SPAG16: variants seen among roughly 807,000 people sequenced by gnomAD.
SPAG16 encodes sperm associated antigen 16.
SPAG16 carries 86 observed loss-of-function variants against 80.4 expected under a neutral mutation model. That is an observed-to-expected ratio of 1.07 (90% CI 0.90 to 1.28). The LOEUF (loss-of-function observed/expected upper bound fraction) is 1.28. Among genes scored for constraint, SPAG16 ranks in the 50% most tolerant of loss-of-function variants. SPAG16 has a pLI of 0.00. For synonymous variants in SPAG16, 294 were observed against 265.9 expected (o/e 1.11, Z -1.03); for missense variants, 870 against 765.3 (o/e 1.14, Z -1.61).
chr2:213,904,600 C>CAAAAAAAAAAAAAAAAAAAAAAAA, intron 11 of SPAG16, among the ~76,000 whole-genome samples: 1 of 89,478 alleles, frequency 1.1e-5, no homozygotes, highest in Non-Finnish European at 2.1e-5. Context: ...ATAAATTTTG[C>CAAAAAAAAAAAAAAAAAAAAAAAA]AAAAAAAAAA....
chr2:213,929,906 A>C, intron 11 of SPAG16, 54 bp from the exon 12 acceptor site: 1 of 1,511,590 alleles, frequency 6.6e-7, no homozygotes, highest in Non-Finnish European at 9.1e-7. Flanking sequence ...TGCAGTATTC[A>C]TAAAAATTAT....
At chr2:214,039,900 G>A (rs929076344) in intron 13 of SPAG16, among the ~76,000 whole-genome samples, 2 of 152,178 alleles carry the variant, frequency 1.3e-5, no homozygotes, top group Admixed American at 1.3e-4. Context: ...GTGAGCGGTG[G>A]GGGTGGTTAG....
chr2:213,950,516 G>T (rs2079699099), intron 12 of SPAG16, among the ~76,000 whole-genome samples: 2 of 151,980 alleles, frequency 1.3e-5, no homozygotes, highest in African/African-American at 4.8e-5. Flanking sequence ...TGTTTAAAAG[G>T]TGTGTGGGGC....
At chr2:213,753,361 T>C (rs2068172258) in intron 10 of SPAG16, among the ~76,000 whole-genome samples, 1 of 152,170 alleles carries the variant, frequency 6.6e-6, no homozygotes, top group African/African-American at 2.4e-5. Flanking sequence ...TTCTCATAAG[T>C]GCATAGGAAA....
At chr2:213,354,253 A>G (rs1276190495) in intron 7 of SPAG16, among the ~76,000 whole-genome samples, 2 of 152,178 alleles carry the variant, frequency 1.3e-5, no homozygotes, top group Non-Finnish European at 2.9e-5. Context: ...TCCATGATGT[A>G]TATGTGCCAC....
At chr2:213,624,510 G>A (rs939720253) in intron 10 of SPAG16, among the ~76,000 whole-genome samples, 1 of 151,982 alleles carries the variant, frequency 6.6e-6, no homozygotes, top group South Asian at 2.1e-4. Context: ...GGCCTTGGAA[G>A]GAAAAGCTAA....
At chr2:213,469,997 CA>C (rs1456214725) in intron 9 of SPAG16, among the ~76,000 whole-genome samples, 1 of 152,056 alleles carries the variant, frequency 6.6e-6, no homozygotes, top group African/African-American at 2.4e-5. Context: ...GAACAGGAAG[CA>C]AGAATTTTGC....
chr2:213,794,209 C>G (rs535545032), intron 10 of SPAG16, among the ~76,000 whole-genome samples: 1 of 151,984 alleles, frequency 6.6e-6, no homozygotes, highest in Non-Finnish European at 1.5e-5. Flanking sequence ...TAAAAAGACT[C>G]GCTGAATTTG....
At chr2:213,943,982 T>G (rs1450263639) in intron 12 of SPAG16, among the ~76,000 whole-genome samples, 1 of 152,198 alleles carries the variant, frequency 6.6e-6, no homozygotes, top group Non-Finnish European at 1.5e-5. Context: ...GCTATTCAAC[T>G]GCAAAAACAT....
intron 15 of SPAG16, among the ~76,000 whole-genome samples, chr2:214,211,045 C>T (rs2125747635): frequency 6.6e-6 from 1 of 152,218 alleles, no homozygotes; most frequent in South Asian, 2.1e-4. Flanking sequence ...ATGATAATGA[C>T]TGCATGGATG....
At chr2:213,804,624 A>AG (rs1022733458) in intron 10 of SPAG16, among the ~76,000 whole-genome samples, 1 of 152,230 alleles carries the variant, frequency 6.6e-6, no homozygotes, top group African/African-American at 2.4e-5. Context: ...CGGAGCTTGC[A>AG]GTGAGCCGAG....
intron 12 of SPAG16, among the ~76,000 whole-genome samples, chr2:214,010,734 A>G (rs1316554677): frequency 6.8e-6 from 1 of 146,560 alleles, no homozygotes. Flanking sequence ...CAGAGGATTA[A>G]TTTAAACATA....
intron 14 of SPAG16, among the ~76,000 whole-genome samples, chr2:214,136,493 T>C (rs2055059106): frequency 6.6e-6 from 1 of 152,200 alleles, no homozygotes; most frequent in African/African-American, 2.4e-5. Context: ...TTGTGTACTT[T>C]AGCTGCTCGG....
chr2:214,243,234 C>A (rs928227388), intron 15 of SPAG16, among the ~76,000 whole-genome samples: 1 of 152,046 alleles, frequency 6.6e-6, no homozygotes, highest in Admixed American at 6.6e-5. Context: ...TAAGTGGTAT[C>A]GGTAATCAAG....
At chr2:213,901,203 A>C (rs2077207204) in intron 11 of SPAG16, among the ~76,000 whole-genome samples, 1 of 152,220 alleles carries the variant, frequency 6.6e-6, no homozygotes, top group Non-Finnish European at 1.5e-5. Context: ...AATAAAAGCC[A>C]AGAGTTTTCT....
At chr2:213,703,104 C>T (rs1319829779) in intron 10 of SPAG16, among the ~76,000 whole-genome samples, 4 of 152,176 alleles carry the variant, frequency 2.6e-5, no homozygotes, top group African/African-American at 9.7e-5. Flanking sequence ...TTCTCTTTTT[C>T]CCTCTCCTGT....
At chr2:213,698,251 AT>A (rs2065245693) in intron 10 of SPAG16, among the ~76,000 whole-genome samples, 1 of 151,822 alleles carries the variant, frequency 6.6e-6, no homozygotes, top group African/African-American at 2.4e-5. Flanking sequence ...TTTTAAATTT[AT>A]TATTATTATG....
chr2:213,492,990 C>T (rs965806980), intron 10 of SPAG16, among the ~76,000 whole-genome samples: 1 of 152,046 alleles, frequency 6.6e-6, no homozygotes, highest in East Asian at 1.9e-4. Context: ...CATACATATA[C>T]GAGACTCAGA....
In SPAG16 at chr2:214,007,722, ATTATGT is replaced by A. The variant is rs1381460252; in HGVS notation, c.1401-6224_1401-6219del. Among the ~76,000 whole-genome samples, 3 of 152,170 alleles carry A rather than the reference ATTATGT, an allele frequency of 2.0e-5. No homozygotes were observed. In the East Asian group the frequency reaches 5.8e-4, roughly 29 times the overall value. On this transcript the variant is annotated intron_variant, in intron 12 of 15. Transcript: ENST00000331683. Reference sequence around the variant, plus strand: ...TGCTATTTGTATAATTGCTCTGCACATTATGTTTATCTGTGGCTGCTTTAGAGATTT... The same window carrying A: ...TGCTATTTGTATAATTGCTCTGCACATTATCTGTGGCTGCTTTAGAGATTT...
Sources: allele counts gnomAD v4.1 joint callset (sites outside exome capture counted in the v4.1 genomes callset), GRCh38; gene constraint gnomAD v4.1.1; transcripts MANE v1.5; gene names NCBI Gene and HGNC (gene_info 2026-07-23, HGNC 2026-07-21).